Variants in TTLL5 observed in about 807,000 individuals in gnomAD.
TTLL5 encodes tubulin tyrosine ligase like 5, also known as tubulin polyglutamylase TTLL5.
A neutral mutation model predicts 168.4 loss-of-function variants in TTLL5; 132 were observed. That is an observed-to-expected ratio of 0.78 (90% CI 0.68 to 0.91). The LOEUF is 0.91. Ranked by LOEUF, TTLL5 falls within the 40% of genes least tolerant of loss-of-function variation. The probability of loss-of-function intolerance (pLI) is 0.00; values close to 1 mark genes in which losing one functional copy is unlikely to be tolerated. For synonymous variants in TTLL5, 546 were observed against 558.6 expected, an observed-to-expected ratio of 0.98 and a Z score of 0.32; for missense variants, 1,545 against 1,581.5, an observed-to-expected ratio of 0.98 and a Z score of 0.39.
At position 75,669,523 on chromosome 14, in the gene TTLL5, G is replaced by A; in HGVS notation, c.181+1G>A. On this transcript the variant is annotated splice_donor_variant, in intron 3 of 31. Transcript: ENST00000298832. LOFTEE classifies it high-confidence loss of function. Reference sequence around the variant, plus strand: ...GACAACAATATTAGAGTAATTGGAGGTGCGTATAACCTCTCCCACAGAGGA... The same window carrying A: ...GACAACAATATTAGAGTAATTGGAGATGCGTATAACCTCTCCCACAGAGGA... The A allele has an allele frequency of 6.2e-7, 1 of 1,613,636 alleles. No homozygotes were observed. Among genetic ancestry groups the A allele is most frequent in the Non-Finnish European group, 8.5e-7 (1 of 1,179,604 alleles).
intron 17 of TTLL5, among the ~76,000 whole-genome samples, chr14:75,747,587 T>C (rs1201112588): frequency 6.6e-6 from 1 of 152,148 alleles, no homozygotes; most frequent in Non-Finnish European, 1.5e-5. Context: ...CAGCTTATCT[T>C]TTTCAGGCTT....
At chr14:75,869,326 G>T (rs1038406468) in intron 29 of TTLL5, among the ~76,000 whole-genome samples, 6 of 152,052 alleles carry the variant, frequency 3.9e-5, no homozygotes, top group African/African-American at 7.2e-5. Context: ...GGTTGTTTTG[G>T]AAATAGGCCA....
chr14:75,767,398 G>A (rs1039536092), intron 20 of TTLL5, among the ~76,000 whole-genome samples: 5 of 152,218 alleles, frequency 3.3e-5, no homozygotes, highest in African/African-American at 1.2e-4. Context: ...ATGGTGTAAT[G>A]TTAGAATGTA....
chr14:75,708,068 A>G (rs1886783848), intron 9 of TTLL5, among the ~76,000 whole-genome samples: 1 of 152,262 alleles, frequency 6.6e-6, no homozygotes, highest in Admixed American at 6.5e-5. Flanking sequence ...GGATAGATGT[A>G]GAAAGAAAAA....
chr14:75,884,120 A>C (rs1595203325), intron 30 of TTLL5, among the ~76,000 whole-genome samples: 1 of 152,248 alleles, frequency 6.6e-6, no homozygotes, highest in African/African-American at 2.4e-5. Context: ...CAGAGTTAAT[A>C]TGTGTGAAGT....
At chr14:75,826,490 T>C (rs1255835093) in intron 28 of TTLL5, among the ~76,000 whole-genome samples, 2 of 152,070 alleles carry the variant, frequency 1.3e-5, no homozygotes, top group Non-Finnish European at 2.9e-5. Flanking sequence ...GAGAACCCCA[T>C]AGTTTCACAA....
At chr14:75,732,680 C>G (rs1262059610) in intron 13 of TTLL5, among the ~76,000 whole-genome samples, 1 of 152,068 alleles carries the variant, frequency 6.6e-6, no homozygotes, top group Non-Finnish European at 1.5e-5. Flanking sequence ...TTCTTGCATT[C>G]AGTTTTATCC....
At chr14:75,810,544 A>G (rs1893932239) in intron 27 of TTLL5, among the ~76,000 whole-genome samples, 1 of 151,986 alleles carries the variant, frequency 6.6e-6, no homozygotes, top group African/African-American at 2.4e-5. Context: ...TTTAAATTAT[A>G]TTTTGTAGAG....
chr14:75,762,724 A>G (rs1220751802), intron 18 of TTLL5, among the ~76,000 whole-genome samples: 2 of 152,206 alleles, frequency 1.3e-5, no homozygotes, highest in Non-Finnish European at 2.9e-5. Flanking sequence ...CTTTAGAGAA[A>G]GAGATTTGTA....
rs12587960 is a variant in TTLL5 at position 75,790,153 on chromosome 14, A to T, written c.2987-2763A>T. On this transcript the variant is annotated intron_variant, in intron 26 of 31. Transcript: ENST00000298832. The stretch of plus-strand genomic sequence containing the variant: ...GTAATTGTTATCCCCACAGAGAAAG[A>T]TGAAATTAGATCCCTGCCTCACACC... Among the ~76,000 whole-genome samples the T allele has an allele frequency of 4.1e-3, 625 of 152,358 alleles. 3 individuals carry two copies. The highest frequency in any genetic ancestry group is 0.014 in the East Asian group (75 of 5,194).
At chr14:75,886,679 T>C (rs1214889608) in intron 30 of TTLL5, 1 of 1,597,140 alleles carries the variant, frequency 6.3e-7, no homozygotes, top group South Asian at 1.1e-5. Flanking sequence ...TCTCCAATGT[T>C]TGCAACACTT....
intron 30 of TTLL5, among the ~76,000 whole-genome samples, chr14:75,897,130 G>T (rs1397505779): frequency 6.6e-6 from 1 of 152,072 alleles, no homozygotes; most frequent in Non-Finnish European, 1.5e-5. Context: ...CAGGAGAGCT[G>T]TTCCCTCAGA....
intron 15 of TTLL5, among the ~76,000 whole-genome samples, chr14:75,738,990 G>A (rs551621188): frequency 9.2e-5 from 14 of 152,094 alleles, no homozygotes; most frequent in African/African-American, 3.4e-4. Context: ...ATTTTTGGTA[G>A]AGATGAGGGT....
Position 75,779,590 on chromosome 14 carries a change from G to A in TTLL5, c.2403G>A (p.Glu801=), listed in dbSNP as rs758240416. 1 of 1,613,572 alleles carries A rather than the reference G, an allele frequency of 6.2e-7. No individual in the cohort carries two copies. The highest frequency in any genetic ancestry group is 1.7e-5 in the Admixed American group (1 of 59,950). Reference sequence around the variant, plus strand: ...CTCATTTCAGTGAGGCTGAACTGGAGGAGGTGTTGACTTTTTATACCCAAA... The same window carrying A: ...CTCATTTCAGTGAGGCTGAACTGGAAGAGGTGTTGACTTTTTATACCCAAA... The part of the protein sequence containing the change: ...FIRQASEAEL[E]EVLTFYTQKN... Residue 801 remains glutamate, a synonymous_variant, in exon 24 of 32, where the codon GAG becomes GAA. Coordinates refer to ENST00000298832, the MANE Select transcript of TTLL5 (RefSeq NM_015072.5).
chr14:75,937,616 C>T (rs2034473910), intron 31 of TTLL5, among the ~76,000 whole-genome samples: 1 of 152,134 alleles, frequency 6.6e-6, no homozygotes, highest in African/African-American at 2.4e-5. Flanking sequence ...TGGAATCATA[C>T]GGTATTTGTC....
chr14:75,754,653 A>G (rs1260831467), intron 18 of TTLL5, among the ~76,000 whole-genome samples: 1 of 152,194 alleles, frequency 6.6e-6, no homozygotes, highest in Non-Finnish European at 1.5e-5. Context: ...CCTCTTTGTT[A>G]ACATATTAAA....
rs371316334 is a variant in TTLL5, at chr14:75,945,620, A to AT, written c.3824-8802dup. 1.5e-3 allele frequency among the ~76,000 whole-genome samples: 224 copies of AT among 152,190 alleles called. 4 individuals are homozygous for AT. In the South Asian group the frequency reaches 0.026, roughly 18 times the overall value. On this transcript the variant is annotated intron_variant, in intron 31 of 31. Transcript: ENST00000298832. ...ATAATAATAAATTGAAAAATAAATG[A>AT]TTGGGAATGCAGCACAGAAAGAAAA... is the stretch of plus-strand genomic sequence containing the variant.
At chr14:75,779,520 G>T (rs1362735052) in intron 23 of TTLL5, 55 bp from the exon 24 acceptor site, 6 of 1,581,458 alleles carry the variant, frequency 3.8e-6, no homozygotes, top group African/African-American at 2.8e-5. Flanking sequence ...AAATCTGGTG[G>T]AAAGATTTTC....
chr14:75,741,528 T>C (rs1889269413), intron 15 of TTLL5, among the ~76,000 whole-genome samples: 1 of 139,402 alleles, frequency 7.2e-6, no homozygotes, highest in African/African-American at 2.6e-5. Context: ...TCTGATTCCT[T>C]TTTTTTTTTT....
Sources: gnomAD v4.1 joint callset for allele counts (sites outside exome capture counted in the v4.1 genomes callset) on GRCh38, gnomAD v4.1.1 for gene constraint, MANE v1.5 for transcripts, NCBI Gene and HGNC (gene_info 2026-07-23, HGNC 2026-07-21) for gene names.